Variants in PHF3 observed in about 807,000 individuals in gnomAD.
PHF3 encodes the protein PHD finger protein 3.
PHF3 carries 41 observed loss-of-function variants against 178.4 expected under a neutral mutation model. That is an observed-to-expected ratio of 0.23 (90% CI 0.18 to 0.30). PHF3 has a LOEUF of 0.30. Among genes scored for constraint, PHF3 ranks in the 10% least tolerant of loss-of-function variants. PHF3 has a pLI of 1.00. For synonymous variants in PHF3, 842 were observed against 800.5 expected, an observed-to-expected ratio of 1.05 and a Z score of -0.88; for missense variants, 2,346 against 2,398.1, an observed-to-expected ratio of 0.98 and a Z score of 0.45.
intron 6 of PHF3, 33 bp downstream of exon 6, chr6:63,694,797 ATATATT>A (rs750229873): frequency 2.4e-5 from 28 of 1,163,252 alleles, no homozygotes; most frequent in Admixed American, 3.2e-5. Flanking sequence ...TTATATACTA[ATATATT>A]TATATCTTAT....
At chr6:63,645,923 A>C (rs1255950466) in intron 1 of PHF3, among the ~76,000 whole-genome samples, 2 of 152,008 alleles carry the variant, frequency 1.3e-5, no homozygotes, top group African/African-American at 2.4e-5. Flanking sequence ...GTGTGTGTGT[A>C]GTCTTTTAAG....
intron 2 of PHF3, among the ~76,000 whole-genome samples, chr6:63,678,213 T>C (rs940497304): frequency 1.1e-4 from 16 of 144,376 alleles, no homozygotes; most frequent in African/African-American, 4.2e-4. Context: ...AGAGTGAGAC[T>C]CCGTCTCAAA....
At chr6:63,650,659 G>T (rs1764983440) in intron 2 of PHF3, among the ~76,000 whole-genome samples, 1 of 152,094 alleles carries the variant, frequency 6.6e-6, no homozygotes, top group Non-Finnish European at 1.5e-5. Context: ...TTAAACTTTA[G>T]TCATACCTAG....
At position 63,644,205 on chromosome 6, in the gene PHF3, G is replaced by A. The variant is rs866358376; in HGVS notation, c.-25-2322G>A. ...GGCTGAAACTGCCTTTTTTCTTTTT[G>A]ATTGATCTGAGAAAAAAGATTACTA... is the stretch of plus-strand genomic sequence containing the variant. On this transcript the variant is annotated intron_variant, in intron 1 of 15. Transcript: ENST00000262043. Among the ~76,000 whole-genome samples the A allele has an allele frequency of 2.0e-4, 31 of 152,134 alleles. No individual in the cohort carries two copies. The South Asian group carries it at 5.0e-3, about 24-fold the overall frequency.
chr6:63,641,336 A>C (rs374194770), intron 1 of PHF3, among the ~76,000 whole-genome samples: 1 of 152,130 alleles, frequency 6.6e-6, no homozygotes, highest in East Asian at 1.9e-4. Context: ...CCCCATCACC[A>C]CCACCATCAC....
chr6:63,678,211 A>G (rs1766263997), intron 2 of PHF3, among the ~76,000 whole-genome samples: 2 of 148,996 alleles, frequency 1.3e-5, no homozygotes, highest in Non-Finnish European at 3.0e-5. Flanking sequence ...CAAGAGTGAG[A>G]CTCCGTCTCA....
chr6:63,671,890 G>C (rs1765932176), intron 2 of PHF3, among the ~76,000 whole-genome samples: 1 of 152,168 alleles, frequency 6.6e-6, no homozygotes, highest in Admixed American at 6.5e-5. Flanking sequence ...GGGATTACAG[G>C]CACGCACCAC....
In PHF3 at chr6:63,687,320, A is replaced by T. The variant is rs550415209; in HGVS notation, c.2189+1409A>T. 5.3e-5 allele frequency among the ~76,000 whole-genome samples: 8 copies of T among 152,258 alleles called. No homozygotes were observed. The East Asian group carries it at 1.5e-3, about 29-fold the overall frequency. Reference sequence around the variant, plus strand: ...ATGCATATAATCCCAGCTATGTGGGAGACTGAGGCATGAGAATCACTTGAA... The same window carrying T: ...ATGCATATAATCCCAGCTATGTGGGTGACTGAGGCATGAGAATCACTTGAA... On this transcript the variant is annotated intron_variant, in intron 4 of 15. Coordinates refer to ENST00000262043, the MANE Select transcript of PHF3 (RefSeq NM_001370348.2).
At chr6:63,670,693 A>G (rs1159547738) in intron 2 of PHF3, among the ~76,000 whole-genome samples, 1 of 152,154 alleles carries the variant, frequency 6.6e-6, no homozygotes, top group Non-Finnish European at 1.5e-5. Context: ...ATATTTTTGT[A>G]TGCACTCATG....
rs576134133 is a variant in PHF3 at position 63,718,093 on chromosome 6, A to G, written c.*4385A>G. On this transcript the variant is annotated 3_prime_UTR_variant, in exon 16 of 16. Transcript: ENST00000262043. ...TGTTGATTTGTTACATGAACTTTCCAGGATTTTAAGGTGAAAAATATATTT... is the reference window on the plus strand; with the variant it reads ...TGTTGATTTGTTACATGAACTTTCCGGGATTTTAAGGTGAAAAATATATTT... 2.0e-4 allele frequency among the ~76,000 whole-genome samples: 31 copies of G among 152,030 alleles called. No individual in the cohort carries two copies. The highest frequency in any genetic ancestry group is 3.8e-4 in the Non-Finnish European group (26 of 67,952).
Position 63,637,440 on chromosome 6 carries a change from A to G in PHF3, c.-26+1290A>G, listed in dbSNP as rs555866145. Among the ~76,000 whole-genome samples, 31 of 152,364 alleles carry G rather than the reference A, an allele frequency of 2.0e-4. No individual in the cohort carries two copies. The East Asian group carries it at 5.8e-3, about 28-fold the overall frequency. On this transcript the variant is annotated intron_variant, in intron 1 of 15. Transcript: ENST00000262043. ...GAGCGACATGTTGAGTCAAAGCACCAGAAACTTTTCTATTGTAGCATACTT... is the reference window on the plus strand; with the variant it reads ...GAGCGACATGTTGAGTCAAAGCACCGGAAACTTTTCTATTGTAGCATACTT...
chr6:63,702,645 G>A lies in PHF3; in HGVS notation c.3231+6G>A, dbSNP rs533047490. ...AAGCAGCCATGGAGATTCAGGTAAG[G>A]ATAGATATGCCATGTTTTATAGCTC... On this transcript the variant is annotated splice_donor_region_variant and intron_variant, in intron 10 of 15. Transcript: ENST00000262043. The A allele has an allele frequency of 1.2e-5, 20 of 1,607,462 alleles. No homozygotes were observed. The South Asian group carries it at 2.0e-4, about 16-fold the overall frequency.
At chr6:63,708,639 ATC>A (rs1397165365) in intron 13 of PHF3, among the ~76,000 whole-genome samples, 1 of 152,218 alleles carries the variant, frequency 6.6e-6, no homozygotes, top group Admixed American at 6.5e-5. Context: ...ATGTGTAGTC[ATC>A]TGTTTTCAGA....
chr6:63,721,493 G>A lies in PHF3; in HGVS notation c.*7785G>A. 1 of 1,551,330 alleles carries A rather than the reference G, an allele frequency of 6.4e-7. No homozygotes were observed. Among genetic ancestry groups the A allele is most frequent in the South Asian group, 1.2e-5 (1 of 84,056 alleles). ...TATTTATGATAACTTGTCGGATACA[G>A]CCTTGAAAACCTACAGGTTCATTTT... On this transcript the variant is annotated 3_prime_UTR_variant, in exon 16 of 16. Transcript: ENST00000262043.
chr6:63,653,220 T>G (rs1765096113), intron 2 of PHF3, among the ~76,000 whole-genome samples: 1 of 151,818 alleles, frequency 6.6e-6, no homozygotes, highest in Admixed American at 6.6e-5. Flanking sequence ...TTTTTCTATT[T>G]CTGTAAATAT....
At chr6:63,691,630 C>A (rs776504594) in intron 4 of PHF3, 107 bp from the exon 5 acceptor site, 2 of 958,642 alleles carry the variant, frequency 2.1e-6, no homozygotes, top group East Asian at 2.4e-5. Flanking sequence ...GGAAAACATG[C>A]AAAGTTTCAG....
intron 12 of PHF3, 91 bp from the exon 13 acceptor site, chr6:63,706,638 T>C (rs1231277660): frequency 7.8e-7 from 1 of 1,278,170 alleles, no homozygotes; most frequent in Non-Finnish European, 1.1e-6. Context: ...TTTGGCCTTC[T>C]TCACATGCTA....
At chr6:63,679,914 T>G (rs1467298612) in intron 2 of PHF3, 86 bp from the exon 3 acceptor site, 1 of 1,045,970 alleles carries the variant, frequency 9.6e-7, no homozygotes, top group African/African-American at 1.6e-5. Flanking sequence ...ACATTAAGAC[T>G]ATCTCACAGT....
intron 2 of PHF3, among the ~76,000 whole-genome samples, chr6:63,654,748 G>A (rs1765160165): frequency 1.3e-5 from 2 of 152,150 alleles, no homozygotes; most frequent in Admixed American, 1.3e-4. Flanking sequence ...TGGCTAAAAG[G>A]GGGAACTTGT....
Sources: allele counts gnomAD v4.1 joint callset (sites outside exome capture counted in the v4.1 genomes callset), GRCh38; gene constraint gnomAD v4.1.1; transcripts MANE v1.5; gene names NCBI Gene and HGNC (gene_info 2026-07-23, HGNC 2026-07-21).